SYAP1: variants seen among roughly 807,000 people sequenced by gnomAD.
SYAP1 encodes synapse associated protein 1, also known as synapse-associated protein 1.
Under a neutral mutation model 29.6 loss-of-function variants are expected in SYAP1, and 3 were observed. That is an observed-to-expected ratio of 0.10 (90% CI 0.05 to 0.26). The LOEUF (loss-of-function observed/expected upper bound fraction) is 0.26. Among genes scored for constraint, SYAP1 ranks in the 10% least tolerant of loss-of-function variants. The pLI, the probability that SYAP1 is intolerant of heterozygous loss-of-function variation, is 1.00. For synonymous variants in SYAP1, 102 were observed against 102.7 expected (o/e 0.99, Z 0.04); for missense variants, 217 against 264.1 (o/e 0.82, Z 1.24).
At chrX:16,753,384 G>A (rs987020566) in intron 5 of SYAP1, among the ~76,000 whole-genome samples, 1 of 110,286 alleles carries the variant, frequency 9.1e-6, no homozygotes, top group African/African-American at 3.3e-5. Flanking sequence ...ACTGCACTCC[G>A]GCCTGGATGA....
At chrX:16,732,766 G>C (rs774878793) in intron 1 of SYAP1, among the ~76,000 whole-genome samples, 1 of 111,787 alleles carries the variant, frequency 8.9e-6, no homozygotes, top group African/African-American at 3.3e-5. Context: ...CTCAATCTTA[G>C]CATTTGTTCT....
Position 16,760,380 on chromosome X carries a change from T to G in SYAP1, c.*21T>G, listed in dbSNP as rs1263855293. The G allele has an allele frequency of 1.7e-6, 2 of 1,164,408 alleles. No homozygotes were observed. The highest frequency in any genetic ancestry group is 2.3e-6 in the Non-Finnish European group (2 of 874,562). On this transcript the variant is annotated 3_prime_UTR_variant, in exon 9 of 9. Transcript: ENST00000380155. ...ATTAGCTGTTCCTGAAATAGAAGAATAATCCTTAACAGTCTGCAAACTGAC... is the reference window on the plus strand; with the variant it reads ...ATTAGCTGTTCCTGAAATAGAAGAAGAATCCTTAACAGTCTGCAAACTGAC...
chrX:16,737,089 G>A (rs1019554937), intron 3 of SYAP1, among the ~76,000 whole-genome samples: 1 of 112,011 alleles, frequency 8.9e-6, no homozygotes, highest in Non-Finnish European at 1.9e-5. Flanking sequence ...AACCAGCCTC[G>A]TGTCTTTAGA....
At chrX:16,749,149 A>G (rs189854039) in intron 5 of SYAP1, among the ~76,000 whole-genome samples, 109 of 110,756 alleles carry the variant, frequency 9.8e-4, no homozygotes, top group African/African-American at 3.5e-3. Context: ...TCAACCTCCC[A>G]GGCTCAAGCA....
At chrX:16,743,975 T>C in intron 5 of SYAP1, 135 bp downstream of exon 5, 1 of 665,149 alleles carries the variant, frequency 1.5e-6, no homozygotes, top group Non-Finnish European at 2.2e-6. Context: ...GCAGCTCCCC[T>C]GGTCAGGGCA....
chrX:16,727,341 C>CTTT (rs59067207), intron 1 of SYAP1, among the ~76,000 whole-genome samples: 4 of 79,594 alleles, frequency 5.0e-5, no homozygotes, highest in Non-Finnish European at 7.2e-5. Flanking sequence ...TGAGATAAGA[C>CTTT]TTTTTTTTTT....
intron 8 of SYAP1, among the ~76,000 whole-genome samples, chrX:16,759,632 G>T (rs1180145460): frequency 9.0e-6 from 1 of 111,614 alleles, no homozygotes; most frequent in Non-Finnish European, 1.9e-5. Flanking sequence ...TTGTATAGTG[G>T]TTAAGCATAG....
intron 1 of SYAP1, among the ~76,000 whole-genome samples, chrX:16,721,015 A>AAAAAC (rs1167147885): frequency 1.2e-4 from 13 of 109,891 alleles, no homozygotes; most frequent in African/African-American, 3.0e-4. Context: ...TCCATCTCAA[A>AAAAAC]AAAACAAAAC....
At chrX:16,723,776 G>GT (rs1337186279) in intron 1 of SYAP1, among the ~76,000 whole-genome samples, 9 of 111,846 alleles carry the variant, frequency 8.0e-5, no homozygotes, top group African/African-American at 2.9e-4. Flanking sequence ...ACAAATTTAT[G>GT]TTTTTTCTGA....
At chrX:16,734,005 G>T (rs1358270078) in intron 1 of SYAP1, among the ~76,000 whole-genome samples, 1 of 111,271 alleles carries the variant, frequency 9.0e-6, no homozygotes, top group African/African-American at 3.3e-5. Flanking sequence ...AGCTAATTCT[G>T]TGGTTTTGTT....
chrX:16,739,020 G>A (rs1225951027), intron 3 of SYAP1, among the ~76,000 whole-genome samples: 1 of 111,124 alleles, frequency 9.0e-6, no homozygotes, highest in East Asian at 2.8e-4. Context: ...TCGGGGTGGG[G>A]AGCATCTCCT....
chrX:16,733,356 G>A (rs1230822199), intron 1 of SYAP1, among the ~76,000 whole-genome samples: 1 of 111,368 alleles, frequency 9.0e-6, no homozygotes, highest in South Asian at 3.8e-4. Context: ...AATATTACTG[G>A]CTCCCAGACA....
chrX:16,740,144 C>T (rs762025380), intron 3 of SYAP1, among the ~76,000 whole-genome samples: 1 of 111,022 alleles, frequency 9.0e-6, no homozygotes, highest in African/African-American at 3.3e-5. Flanking sequence ...ACCAGAAAAT[C>T]TTGTAGTTCT....
chrX:16,728,072 T>C (rs1926121432), intron 1 of SYAP1, among the ~76,000 whole-genome samples: 1 of 112,317 alleles, frequency 8.9e-6, no homozygotes, highest in African/African-American at 3.2e-5. Flanking sequence ...ATTTTGTTCA[T>C]GGGAGTATAC....
chrX:16,727,602 C>T (rs995252901), intron 1 of SYAP1, among the ~76,000 whole-genome samples: 2 of 112,417 alleles, frequency 1.8e-5, no homozygotes, highest in African/African-American at 3.2e-5. Flanking sequence ...CTCGGCCTCC[C>T]GAAGTGCTGG....
chrX:16,750,587 T>G (rs2147433960), intron 5 of SYAP1, among the ~76,000 whole-genome samples: 1 of 110,840 alleles, frequency 9.0e-6, no homozygotes, highest in South Asian at 3.8e-4. Flanking sequence ...TTCCATCTTG[T>G]TACCTGTCCT....
chrX:16,720,810 C>G (rs1212302445), intron 1 of SYAP1, among the ~76,000 whole-genome samples: 1 of 110,834 alleles, frequency 9.0e-6, no homozygotes, highest in Non-Finnish European at 1.9e-5. Flanking sequence ...GTCAGCAGTT[C>G]GAGACCAGCC....
In SYAP1 at chrX:16,755,172, AC is replaced by A. The variant is rs752245247; in HGVS notation, c.724+81del. 6 of 1,001,393 alleles carry A rather than the reference AC, an allele frequency of 6.0e-6. No homozygotes were observed. The East Asian group carries it at 1.8e-4, about 31-fold the overall frequency. 82.5% of individuals were successfully genotyped at this position (1,001,393 alleles called of 1,213,427 possible). A position where few individuals can be genotyped will look rare whatever the true frequency, so the allele number is the denominator to read the frequency against. Reference sequence around the variant, plus strand: ...CAAATGAGCTTGACCTCTTATACGTACCAGAAATGTCATTGCCTTAGGGAAA... The same window carrying A: ...CAAATGAGCTTGACCTCTTATACGTACAGAAATGTCATTGCCTTAGGGAAA... On this transcript the variant is annotated intron_variant, in intron 6 of 8. Coordinates refer to ENST00000380155, the MANE Select transcript of SYAP1 (RefSeq NM_032796.4).
intron 3 of SYAP1, among the ~76,000 whole-genome samples, chrX:16,740,837 C>T (rs1379248568): frequency 9.0e-6 from 1 of 111,382 alleles, no homozygotes; most frequent in Non-Finnish European, 1.9e-5. Flanking sequence ...AACATTTGTC[C>T]CCCTCGTATA....
Sources: allele counts gnomAD v4.1 joint callset (sites outside exome capture counted in the v4.1 genomes callset), GRCh38; gene constraint gnomAD v4.1.1; transcripts MANE v1.5; gene names NCBI Gene and HGNC (gene_info 2026-07-23, HGNC 2026-07-21).